The following KCNC2 variants were observed in gnomAD, a reference collection of about 807,000 sequenced individuals.
KCNC2 encodes voltage-gated potassium channel KCNC2.
Under a neutral mutation model 44.5 loss-of-function variants are expected in KCNC2, and 21 were observed. The observed-to-expected ratio is 0.47, with a 90% CI of 0.33 to 0.68. The LOEUF (loss-of-function observed/expected upper bound fraction) is 0.68. Among genes scored for constraint, KCNC2 ranks in the 30% least tolerant of loss-of-function variants. KCNC2 has a pLI of 0.01. For missense variants in KCNC2, 589 were observed against 826.2 expected (o/e 0.71, Z 3.52); for synonymous variants, 391 against 339.1 (o/e 1.15, Z -1.68).
chr12:75,193,176 TTGAAG>T (rs2030451957), intron 2 of KCNC2, among the ~76,000 whole-genome samples: 1 of 152,210 alleles, frequency 6.6e-6, no homozygotes, highest in Non-Finnish European at 1.5e-5. Context: ...CCAACTGTAG[TTGAAG>T]ATAGTAAACT....
intron 2 of KCNC2, among the ~76,000 whole-genome samples, chr12:75,054,933 A>T (rs933377606): frequency 6.6e-6 from 1 of 152,160 alleles, no homozygotes; most frequent in African/African-American, 2.4e-5. Context: ...TCTGAACTTA[A>T]TTCTAAGCTC....
chr12:75,043,606 T>C (rs1314283049), intron 4 of KCNC2: 2 of 1,240,808 alleles, frequency 1.6e-6, no homozygotes, highest in Non-Finnish European at 2.1e-6. Flanking sequence ...CAGAATGTAT[T>C]CTTGAAAAAA....
chr12:75,067,761 C>G (rs1262834775), intron 2 of KCNC2, among the ~76,000 whole-genome samples: 1 of 152,070 alleles, frequency 6.6e-6, no homozygotes, highest in Non-Finnish European at 1.5e-5. Flanking sequence ...CGCTGTAACT[C>G]CCTAATGATG....
chr12:75,113,237 A>G (rs998485821), intron 2 of KCNC2, among the ~76,000 whole-genome samples: 10 of 152,142 alleles, frequency 6.6e-5, no homozygotes, highest in African/African-American at 2.4e-4. Flanking sequence ...AAATGCTTTA[A>G]AATTAATGTA....
At chr12:75,106,397 A>G (rs1237606518) in intron 2 of KCNC2, among the ~76,000 whole-genome samples, 2 of 152,188 alleles carry the variant, frequency 1.3e-5, no homozygotes, top group African/African-American at 2.4e-5. Flanking sequence ...ATATGATTCT[A>G]TGCTGTTAAG....
intron 2 of KCNC2, among the ~76,000 whole-genome samples, chr12:75,100,761 T>C (rs1383552414): frequency 6.6e-6 from 1 of 152,018 alleles, no homozygotes; most frequent in Admixed American, 6.6e-5. Context: ...ATTTATGATG[T>C]TTCTTGAATT....
chr12:75,112,533 T>G (rs1037926047), intron 2 of KCNC2, among the ~76,000 whole-genome samples: 1 of 152,070 alleles, frequency 6.6e-6, no homozygotes, highest in African/African-American at 2.4e-5. Flanking sequence ...ATTCTCTCCA[T>G]TTACTTCTTT....
intron 2 of KCNC2, among the ~76,000 whole-genome samples, chr12:75,060,805 C>T (rs17114543): frequency 0.11 from 16,104 of 152,052 alleles, 2,860 homozygotes; most frequent in African/African-American, 0.37. Flanking sequence ...CAAGAATTCC[C>T]TTAATGTGGT....
At chr12:75,102,801 A>G (rs1220048142) in intron 2 of KCNC2, among the ~76,000 whole-genome samples, 1 of 151,976 alleles carries the variant, frequency 6.6e-6, no homozygotes, top group Non-Finnish European at 1.5e-5. Context: ...CTGCCCATAG[A>G]ATACATCTCC....
intron 2 of KCNC2, among the ~76,000 whole-genome samples, chr12:75,068,993 T>C (rs1883111524): frequency 6.6e-6 from 1 of 152,050 alleles, no homozygotes; most frequent in Non-Finnish European, 1.5e-5. Context: ...AGTATGTTCA[T>C]GGTAGAAGGA....
chr12:75,064,486 A>G (rs567846745), intron 2 of KCNC2, among the ~76,000 whole-genome samples: 1 of 152,194 alleles, frequency 6.6e-6, no homozygotes, highest in African/African-American at 2.4e-5. Context: ...TCTGTTGATC[A>G]GCAAGTATAC....
chr12:75,062,320 T>A (rs537736095), intron 2 of KCNC2, among the ~76,000 whole-genome samples: 1 of 152,096 alleles, frequency 6.6e-6, no homozygotes, highest in East Asian at 1.9e-4. Flanking sequence ...TACACATGCA[T>A]GAAAACACAA....
chr12:75,172,199 T>C (rs1426798450), intron 2 of KCNC2, among the ~76,000 whole-genome samples: 1 of 151,802 alleles, frequency 6.6e-6, no homozygotes, highest in East Asian at 1.9e-4. Context: ...TTGGAAGCCA[T>C]TATCCTCAGC....
At chr12:75,129,724 G>T (rs1888696718) in intron 2 of KCNC2, among the ~76,000 whole-genome samples, 1 of 152,148 alleles carries the variant, frequency 6.6e-6, no homozygotes, top group Admixed American at 6.6e-5. Context: ...AATGGAGATG[G>T]AGAGTGCTAG....
At chr12:75,156,329 G>GAC (rs1890757288) in intron 2 of KCNC2, among the ~76,000 whole-genome samples, 1 of 151,364 alleles carries the variant, frequency 6.6e-6, no homozygotes, top group Non-Finnish European at 1.5e-5. Context: ...AATATTTTAT[G>GAC]ACACAGAAAA....
chr12:75,152,268 G>C (rs1219006284), intron 2 of KCNC2, among the ~76,000 whole-genome samples: 1 of 148,980 alleles, frequency 6.7e-6, no homozygotes, highest in South Asian at 2.1e-4. Context: ...ACATATCATA[G>C]TAAAAAAAAA....
At chr12:75,108,783 C>A (rs535507642) in intron 2 of KCNC2, among the ~76,000 whole-genome samples, 1 of 152,154 alleles carries the variant, frequency 6.6e-6, no homozygotes, top group African/African-American at 2.4e-5. Flanking sequence ...TTTTTTTGTT[C>A]AGGAATATTT....
intron 2 of KCNC2, among the ~76,000 whole-genome samples, chr12:75,076,358 C>T (rs1323603970): frequency 6.6e-6 from 1 of 151,956 alleles, no homozygotes; most frequent in Non-Finnish European, 1.5e-5. Flanking sequence ...CTGCAAGCTC[C>T]GCCTCGCGGG....
intron 2 of KCNC2, among the ~76,000 whole-genome samples, chr12:75,152,266 T>C (rs1319989735): frequency 4.0e-5 from 6 of 148,706 alleles, no homozygotes; most frequent in Admixed American, 6.7e-5. Flanking sequence ...AAACATATCA[T>C]AGTAAAAAAA....
Sources: gnomAD v4.1 joint callset for allele counts (sites outside exome capture counted in the v4.1 genomes callset) on GRCh38, gnomAD v4.1.1 for gene constraint, MANE v1.5 for transcripts, NCBI Gene and HGNC (gene_info 2026-07-23, HGNC 2026-07-21) for gene names.